The following APLP2 variants were observed in gnomAD, a reference collection of about 807,000 sequenced individuals.
APLP2 encodes CDEI box-binding protein.
A neutral mutation model predicts 89.9 loss-of-function variants in APLP2; 53 were observed. That is an observed-to-expected ratio of 0.59 (90% CI 0.47 to 0.74). The LOEUF is 0.74. APLP2 is among the 30% of genes least tolerant of loss of function. APLP2 has a pLI of 0.00. For missense variants in APLP2, 973 were observed against 975.9 expected, an observed-to-expected ratio of 1.00 and a Z score of 0.04; for synonymous variants, 372 against 348.6, an observed-to-expected ratio of 1.07 and a Z score of -0.75.
rs781244423 is a variant in APLP2, at chr11:130,130,031, CT to C, written c.1456-5del. 1.2e-6 allele frequency: 2 copies of C among 1,614,084 alleles called. No individual in the cohort carries two copies. The highest frequency in any genetic ancestry group is 4.5e-5 in the East Asian group (2 of 44,882). On this transcript the variant is annotated splice_polypyrimidine_tract_variant and splice_region_variant and intron_variant, in intron 10 of 16. Coordinates refer to ENST00000338167, the MANE Select transcript of APLP2 (RefSeq NM_001142276.2). Reference sequence around the variant, plus strand: ...CTGGATATTAAAACAACTGTTCTCTCTTGCAGCCTCATCGCATTCTCCAGGC... The same window carrying C: ...CTGGATATTAAAACAACTGTTCTCTCTGCAGCCTCATCGCATTCTCCAGGC...
chr11:130,087,831 CA>C (rs1944354574), intron 1 of APLP2, among the ~76,000 whole-genome samples: 1 of 151,932 alleles, frequency 6.6e-6, no homozygotes, highest in East Asian at 1.9e-4. Context: ...TCAGGATCTA[CA>C]TTAAAAAAAA....
Position 130,127,784 on chromosome 11 carries a change from G to C in APLP2, c.1240G>C (p.Glu414Gln). Residue 414 changes from glutamate (E) to glutamine (Q), a missense_variant, in exon 9 of 17, where the codon GAG becomes CAG. Coordinates refer to ENST00000338167, the MANE Select transcript of APLP2 (RefSeq NM_001142276.2). ...RMDRVKKEWE[E>Q]AELQAKNLPK... is the part of the protein sequence containing the mutation. ...GTTCTAGGTAAAGAAGGAATGGGAA[G>C]AGGCAGAGCTTCAAGCTAAGAACCT... The C allele has an allele frequency of 6.2e-7, 1 of 1,614,164 alleles. No homozygotes were observed. The highest frequency in any genetic ancestry group is 8.5e-7 in the Non-Finnish European group (1 of 1,180,014).
chr11:130,142,119 G>A (rs761015236), intron 16 of APLP2, 45 bp downstream of exon 16: 1 of 1,551,926 alleles, frequency 6.4e-7, no homozygotes, highest in Non-Finnish European at 8.7e-7. Context: ...CTGTGGGCTG[G>A]GTTGGGGGTG....
intron 7 of APLP2, among the ~76,000 whole-genome samples, chr11:130,125,635 A>G (rs185392400): frequency 2.0e-5 from 3 of 152,348 alleles, no homozygotes; most frequent in Middle Eastern, 6.8e-3. Context: ...GTATTCATCA[A>G]TTATATGGTT....
rs529799770 is a variant in APLP2, at chr11:130,132,535, T to C, written c.1585-1094T>C. ...AACACACCTCGCCGTGTCATTGGGG[T>C]GGATGCTAGCCCGTCACCTTTCACT... On this transcript the variant is annotated intron_variant, in intron 11 of 16. Coordinates refer to ENST00000338167, the MANE Select transcript of APLP2 (RefSeq NM_001142276.2). Among the ~76,000 whole-genome samples the C allele has an allele frequency of 1.6e-4, 25 of 151,894 alleles. No homozygotes were observed. In the East Asian group the frequency reaches 4.6e-3, roughly 28 times the overall value.
chr11:130,106,408 A>G (rs1039199695), intron 1 of APLP2, among the ~76,000 whole-genome samples: 2 of 152,182 alleles, frequency 1.3e-5, no homozygotes, highest in Admixed American at 6.5e-5. Flanking sequence ...ATTTCCCTGC[A>G]TACACTCATT....
rs141677086 is a variant in APLP2 at position 130,109,524 on chromosome 11, T to C, written c.201T>C (p.Thr67=). 1.2e-6 allele frequency: 2 copies of C among 1,613,878 alleles called. No homozygotes were observed. The highest frequency in any genetic ancestry group is 1.7e-6 in the Non-Finnish European group (2 of 1,179,886). The change falls in exon 2 of 17, where the codon ACT becomes ACC. Residue 67 remains threonine, a synonymous_variant. Transcript: ENST00000338167. ...TAAATATGCATGTGAACATTCAGACTGGGAAATGGGAACCTGATCCAACAG... is the reference window on the plus strand; with the variant it reads ...TAAATATGCATGTGAACATTCAGACCGGGAAATGGGAACCTGATCCAACAG... The part of the protein sequence containing the change: ...GKLNMHVNIQ[T]GKWEPDPTGT...
At chr11:130,125,723 C>T (rs987402827) in intron 7 of APLP2, among the ~76,000 whole-genome samples, 13 of 152,206 alleles carry the variant, frequency 8.5e-5, no homozygotes, top group Non-Finnish European at 1.6e-4. Flanking sequence ...TGAACCTTGG[C>T]ATTCACTCTC....
intron 4 of APLP2, among the ~76,000 whole-genome samples, chr11:130,121,143 T>C (rs73041274): frequency 9.3e-4 from 142 of 152,234 alleles, no homozygotes; most frequent in Non-Finnish European, 1.8e-3. Context: ...TGATAGAAAA[T>C]ATAGGTCTGG....
rs1416102037 is a variant in APLP2 at position 130,090,589 on chromosome 11, C to T, written c.106-18840C>T. Among the ~76,000 whole-genome samples, 6 of 151,812 alleles carry T rather than the reference C, an allele frequency of 4.0e-5. No homozygotes were observed. The East Asian group carries it at 1.2e-3, about 29-fold the overall frequency. On this transcript the variant is annotated intron_variant, in intron 1 of 16. Transcript: ENST00000338167. Reference sequence around the variant, plus strand: ...GAGCACAGGGTTGGGGGTAAGGTCACAGATCAACAGGATCCCAAGGCAGAG... The same window carrying T: ...GAGCACAGGGTTGGGGGTAAGGTCATAGATCAACAGGATCCCAAGGCAGAG...
chr11:130,095,939 G>A (rs1946138999), intron 1 of APLP2, among the ~76,000 whole-genome samples: 1 of 151,102 alleles, frequency 6.6e-6, no homozygotes, highest in Admixed American at 6.6e-5. Context: ...AAATACATGA[G>A]GCCTCTCCCC....
At chr11:130,092,344 T>C (rs1223059950) in intron 1 of APLP2, among the ~76,000 whole-genome samples, 1 of 115,420 alleles carries the variant, frequency 8.7e-6, no homozygotes, top group Non-Finnish European at 1.7e-5. Flanking sequence ...GGCTGCAATC[T>C]CGGCACTTTG....
chr11:130,108,716 A>C (rs1019677171), intron 1 of APLP2: 1 of 152,258 alleles, frequency 6.6e-6, no homozygotes, highest in South Asian at 2.1e-4. Flanking sequence ...GTATGTACCC[A>C]ATGGATTATA....
chr11:130,090,516 C>T (rs1944796289), intron 1 of APLP2, among the ~76,000 whole-genome samples: 1 of 151,900 alleles, frequency 6.6e-6, no homozygotes, highest in Non-Finnish European at 1.5e-5. Flanking sequence ...ACATTTTGCA[C>T]CGCCCTTAAT....
At position 130,097,292 on chromosome 11, in the gene APLP2, T is replaced by C. The variant is rs553205802; in HGVS notation, c.106-12137T>C. Among the ~76,000 whole-genome samples, 6 of 152,358 alleles carry C rather than the reference T, an allele frequency of 3.9e-5. No homozygotes were observed. The South Asian group carries it at 8.3e-4, about 21-fold the overall frequency. On this transcript the variant is annotated intron_variant, in intron 1 of 16. Transcript: ENST00000338167. ...GTATTTAAAGTGTAAAGTTTCTCTC[T>C]CCCTGCCCTGTGAAAATCATTTTGG...
intron 14 of APLP2, 144 bp downstream of exon 14, chr11:130,140,627 C>T (rs556611404): frequency 5.5e-5 from 29 of 529,662 alleles, no homozygotes; most frequent in African/African-American, 5.4e-4. Context: ...ACGGCTCCCA[C>T]AGACTGGCTG....
At chr11:130,070,203 C>T (rs934830198) in intron 1 of APLP2, 121 bp downstream of exon 1, 10 of 436,244 alleles carry the variant, frequency 2.3e-5, no homozygotes, top group South Asian at 1.9e-4. Context: ...GGGTCCGGCT[C>T]TGCGGCGGGT....
At chr11:130,091,482 C>G (rs1945168220) in intron 1 of APLP2, among the ~76,000 whole-genome samples, 1 of 137,992 alleles carries the variant, frequency 7.2e-6, no homozygotes, top group Non-Finnish European at 1.6e-5. Flanking sequence ...GGGCGGCTGG[C>G]CGGGCGGAGG....
chr11:130,082,836 A>G (rs2135426478), intron 1 of APLP2: 1 of 156,868 alleles, frequency 6.4e-6, no homozygotes, highest in South Asian at 1.7e-4. Flanking sequence ...AGCTTTTCAT[A>G]TACAGATTTT....
Sources: gnomAD v4.1 joint callset for allele counts (sites outside exome capture counted in the v4.1 genomes callset) on GRCh38, gnomAD v4.1.1 for gene constraint, MANE v1.5 for transcripts, NCBI Gene and HGNC (gene_info 2026-07-23, HGNC 2026-07-21) for gene names.